The following PPEF2 variants were observed in gnomAD, a reference collection of about 807,000 sequenced individuals.
PPEF2 encodes serine/threonine-protein phosphatase with EF-hands 2.
Under a neutral mutation model 84.7 loss-of-function variants are expected in PPEF2, and 84 were observed. That is an observed-to-expected ratio of 0.99 (90% CI 0.83 to 1.19). The LOEUF (loss-of-function observed/expected upper bound fraction) is 1.19. PPEF2 is among the 50% of genes most tolerant of loss of function. The pLI is 0.00. For missense variants in PPEF2, 924 were observed against 937.5 expected, an observed-to-expected ratio of 0.99 and a Z score of 0.19; for synonymous variants, 346 against 345.2, an observed-to-expected ratio of 1.00 and a Z score of -0.03.
At chr4:75,867,132 T>C (rs1724149693) in intron 14 of PPEF2, among the ~76,000 whole-genome samples, 181 bp downstream of exon 14, 1 of 152,196 alleles carries the variant, frequency 6.6e-6, no homozygotes, top group South Asian at 2.1e-4. Context: ...GTTAAAAGCT[T>C]ACAATTTTAA....
chr4:75,876,707 A>G (rs778076861), intron 10 of PPEF2, 34 bp from the exon 11 acceptor site: 2 of 1,509,558 alleles, frequency 1.3e-6, no homozygotes, highest in Admixed American at 4.5e-5. Context: ...CAGATGCTGG[A>G]ATGAAACTGT....
Position 75,873,245 on chromosome 4 carries a change from C to A in PPEF2, c.1388G>T (p.Gly463Val). Residue 463 changes from glycine to valine, a missense_variant, in exon 12 of 17, where the codon GGA becomes GTA. By Grantham distance (109) the Gly-to-Val change is moderately radical. Transcript: ENST00000286719. ...CACATCAGGCCCAAAATAACAGCCT[C>A]CTCCTCGAATAGTGTTGGCCTTGCA... ...EGCKANTIRG[G>V]GCYFGPDVTQ... 2 of 1,614,194 alleles carry A rather than the reference C, an allele frequency of 1.2e-6. No individual in the cohort carries two copies. The highest frequency in any genetic ancestry group is 1.7e-6 in the Non-Finnish European group (2 of 1,180,004).
At position 75,864,460 on chromosome 4, in the gene PPEF2, A is replaced by T. The variant is rs768391823; in HGVS notation, c.1988T>A (p.Ile663Asn). ...NRSNLETIFR[I>N]IDSDHSGFIS... ...TTTACCTGAATGATCACTGTCTATGATCCTAAAAATGGTCTCTAGGTTGGA... is the reference window on the plus strand; with the variant it reads ...TTTACCTGAATGATCACTGTCTATGTTCCTAAAAATGGTCTCTAGGTTGGA... Residue 663 changes from isoleucine (I) to asparagine (N), a missense_variant, in exon 16 of 17, where the codon ATC becomes AAC. Coordinates refer to ENST00000286719, the MANE Select transcript of PPEF2 (RefSeq NM_006239.3). 2.5e-6 allele frequency: 4 copies of T among 1,608,878 alleles called. No individual in the cohort carries two copies. The South Asian group carries it at 4.4e-5, about 18-fold the overall frequency.
At chr4:75,860,960 G>T in intron 16 of PPEF2, 40 bp from the exon 17 acceptor site, 1 of 1,596,204 alleles carries the variant, frequency 6.3e-7, no homozygotes, top group South Asian at 1.1e-5. Flanking sequence ...AGTTAGTCTA[G>T]TTTTTAATGT....
chr4:75,884,668 A>G lies in PPEF2; in HGVS notation c.672T>C (p.Phe224=), dbSNP rs1160846678. The change falls in exon 8 of 17, where the codon TTT becomes TTC. Residue 224 remains phenylalanine (F), a synonymous_variant. Transcript: ENST00000286719. ...CTTTGGGGTAAACCAGCATGAAGGC[A>G]AAAAGAATCATCAGGATCTCTACTG... ...KDSVEILMIL[F]AFMLVYPKEF... 5.6e-6 allele frequency: 9 copies of G among 1,613,678 alleles called. No homozygotes were observed. The highest frequency in any genetic ancestry group is 7.6e-6 in the Non-Finnish European group (9 of 1,179,804).
At chr4:75,874,516 C>T (rs972169061) in intron 11 of PPEF2, among the ~76,000 whole-genome samples, 17 of 152,214 alleles carry the variant, frequency 1.1e-4, no homozygotes, top group African/African-American at 4.1e-4. Context: ...AGAGTCTGTT[C>T]TCGAATTCCT....
At chr4:75,866,112 G>A (rs1015041439) in intron 15 of PPEF2, 77 bp downstream of exon 15, 7 of 1,418,430 alleles carry the variant, frequency 4.9e-6, no homozygotes, top group Admixed American at 2.3e-5. Context: ...TTACTAGTTG[G>A]TTGTTTCTGA....
intron 16 of PPEF2, among the ~76,000 whole-genome samples, chr4:75,861,831 G>A (rs1207651631): frequency 8.3e-5 from 12 of 145,316 alleles, no homozygotes; most frequent in African/African-American, 2.7e-4. Context: ...GGATGGTCTC[G>A]ATCTCCTGAC....
intron 7 of PPEF2, among the ~76,000 whole-genome samples, chr4:75,885,985 G>A (rs1488706836): frequency 1.3e-5 from 2 of 148,316 alleles, no homozygotes; most frequent in African/African-American, 5.0e-5. Flanking sequence ...TTCCAGCCTC[G>A]GCGAGAAGAG....
Position 75,866,224 on chromosome 4 carries a change from G to T in PPEF2, c.1885C>A (p.Leu629Met). ...ADNMLEYKSW[L>M]KNLAKEQLSR... ...AGTTGTTCCTTGGCCAAGTTCTTCAGCCAAGACTTGTACTCCAGCATGTTG... is the reference window on the plus strand; with the variant it reads ...AGTTGTTCCTTGGCCAAGTTCTTCATCCAAGACTTGTACTCCAGCATGTTG... Residue 629 changes from leucine (L) to methionine (M), a missense_variant, in exon 15 of 17, where the codon CTG becomes ATG. Leu to Met is a conservative substitution (Grantham distance 15). Transcript: ENST00000286719. 2 of 1,613,878 alleles carry T rather than the reference G, an allele frequency of 1.2e-6. No homozygotes were observed. Among genetic ancestry groups the T allele is most frequent in the Non-Finnish European group, 1.7e-6 (2 of 1,179,912 alleles).
chr4:75,887,368 T>C (rs530884449), intron 6 of PPEF2, among the ~76,000 whole-genome samples: 223 of 152,264 alleles, frequency 1.5e-3, no homozygotes, highest in African/African-American at 5.2e-3. Flanking sequence ...ACGCCTGTAA[T>C]CCCAGCACTT....
chr4:75,871,837 A>G (rs1578003589), intron 13 of PPEF2, among the ~76,000 whole-genome samples, 188 bp downstream of exon 13: 1 of 152,100 alleles, frequency 6.6e-6, no homozygotes, highest in African/African-American at 2.4e-5. Context: ...AGCTATTAGG[A>G]GTGTGTGGAG....
At chr4:75,860,948 T>G (rs1203954943) in intron 16 of PPEF2, 28 bp from the exon 17 acceptor site, 1 of 1,605,624 alleles carries the variant, frequency 6.2e-7, no homozygotes, top group South Asian at 1.1e-5. Context: ...ATCACTTCAG[T>G]GAGTTAGTCT....
intron 16 of PPEF2, among the ~76,000 whole-genome samples, chr4:75,862,983 C>G (rs182688332): frequency 6.6e-6 from 1 of 152,312 alleles, no homozygotes; most frequent in African/African-American, 2.4e-5. Flanking sequence ...GAATGAAAAA[C>G]TGATACTGCT....
chr4:75,873,069 G>T, intron 12 of PPEF2, 58 bp downstream of exon 12: 1 of 1,495,844 alleles, frequency 6.7e-7, no homozygotes, highest in Non-Finnish European at 9.2e-7. Flanking sequence ...CCAGGCCTGA[G>T]CCCTTCGGAC....
At chr4:75,889,877 A>T in intron 5 of PPEF2, 80 bp downstream of exon 5, 1 of 1,495,758 alleles carries the variant, frequency 6.7e-7, no homozygotes, top group East Asian at 2.3e-5. Context: ...ATCTGGGGCC[A>T]TTCTTTCTGT....
intron 13 of PPEF2, among the ~76,000 whole-genome samples, chr4:75,871,093 T>A (rs11097157): frequency 3.3e-5 from 5 of 150,824 alleles, no homozygotes; most frequent in African/African-American, 1.2e-4. Context: ...AATTTTTTTG[T>A]ATTTTTAGTA....
chr4:75,864,365 T>C (rs1724077636), intron 16 of PPEF2, 75 bp downstream of exon 16: 1 of 1,130,108 alleles, frequency 8.8e-7, no homozygotes, highest in Non-Finnish European at 1.3e-6. Context: ...TGAGGATGAA[T>C]CAGGAAGGAG....
intron 8 of PPEF2, among the ~76,000 whole-genome samples, chr4:75,883,701 C>G (rs770333631): frequency 2.0e-5 from 3 of 151,246 alleles, no homozygotes; most frequent in Admixed American, 6.6e-5. Context: ...TCCTGTAGTC[C>G]CAGCTACTGA....
Sources: allele counts gnomAD v4.1 joint callset (sites outside exome capture counted in the v4.1 genomes callset), GRCh38; gene constraint gnomAD v4.1.1; transcripts MANE v1.5; gene names NCBI Gene and HGNC (gene_info 2026-07-23, HGNC 2026-07-21).